Variants in REEP1 observed in about 807,000 individuals in gnomAD.
REEP1 encodes the protein receptor expression-enhancing protein 1.
A neutral mutation model predicts 40.3 loss-of-function variants in REEP1; 22 were observed. The observed-to-expected ratio is 0.55, with a 90% CI of 0.39 to 0.78. The LOEUF (loss-of-function observed/expected upper bound fraction) is 0.78, where lower values mean the gene tolerates loss of function less well. Among genes scored for constraint, REEP1 ranks in the 30% least tolerant of loss-of-function variants. The probability of loss-of-function intolerance (pLI) is 0.00; values close to 1 mark genes in which losing one functional copy is unlikely to be tolerated. For synonymous variants in REEP1, 116 were observed against 139.2 expected (o/e 0.83, Z 1.17); for missense variants, 280 against 361.1 (o/e 0.78, Z 1.82).
At chr2:86,289,831 T>C (rs1678599686) in intron 1 of REEP1, among the ~76,000 whole-genome samples, 1 of 152,036 alleles carries the variant, frequency 6.6e-6, no homozygotes, top group Non-Finnish European at 1.5e-5. Context: ...GATTTTCGAG[T>C]GGTTATTCAT....
At chr2:86,255,902 A>G (rs1676530039) in intron 3 of REEP1, among the ~76,000 whole-genome samples, 1 of 152,134 alleles carries the variant, frequency 6.6e-6, no homozygotes, top group Non-Finnish European at 1.5e-5. Flanking sequence ...TGTGCTGTGA[A>G]CAACCCGAGC....
chr2:86,300,037 A>G (rs1336114034), intron 1 of REEP1, among the ~76,000 whole-genome samples: 1 of 152,114 alleles, frequency 6.6e-6, no homozygotes, highest in Non-Finnish European at 1.5e-5. Flanking sequence ...GGACCATGAG[A>G]GCCATCTTGT....
chr2:86,249,531 T>C (rs911566843), intron 5 of REEP1, among the ~76,000 whole-genome samples: 4 of 152,118 alleles, frequency 2.6e-5, no homozygotes, highest in African/African-American at 9.7e-5. Flanking sequence ...GAGCTGGCTG[T>C]TTAAAAATCA....
chr2:86,330,400 C>A (rs935310704), intron 1 of REEP1, among the ~76,000 whole-genome samples: 1 of 146,242 alleles, frequency 6.8e-6, no homozygotes, highest in South Asian at 2.2e-4. Context: ...ACTCTCCCTA[C>A]CACAGTGAAT....
At chr2:86,284,813 G>A (rs917646384) in intron 1 of REEP1, among the ~76,000 whole-genome samples, 4 of 152,222 alleles carry the variant, frequency 2.6e-5, no homozygotes, top group African/African-American at 9.7e-5. Context: ...GAAGGCCTGT[G>A]CTAGGTCAGC....
At chr2:86,337,912 C>T (rs1681130229), upstream of REEP1, 8 of 1,091,658 alleles carry the variant, frequency 7.3e-6, no homozygotes, top group Admixed American at 1.7e-4. The surrounding 1 kb of genome is among the most constrained non-coding windows in gnomAD (Gnocchi z 5.8). Flanking sequence ...CTCAGCGTTC[C>T]AGCGGAGAAA....
intron 2 of REEP1, among the ~76,000 whole-genome samples, chr2:86,266,873 G>C (rs1172982520): frequency 6.6e-6 from 1 of 151,778 alleles, no homozygotes; most frequent in Non-Finnish European, 1.5e-5. Context: ...CGGGCATGGT[G>C]GTGGGCACCT....
intron 6 of REEP1, among the ~76,000 whole-genome samples, chr2:86,230,131 C>T (rs936584805): frequency 1.8e-4 from 28 of 152,222 alleles, no homozygotes; most frequent in African/African-American, 6.0e-4. Flanking sequence ...CCCACTGCCT[C>T]CCTGGGGCAT....
intron 1 of REEP1, among the ~76,000 whole-genome samples, chr2:86,300,933 C>T (rs959789507): frequency 2.0e-5 from 3 of 152,170 alleles, no homozygotes; most frequent in Non-Finnish European, 4.4e-5. Context: ...GTACAAAGCC[C>T]TTCACGCCTC....
At chr2:86,298,086 G>T (rs1679070224) in intron 1 of REEP1, among the ~76,000 whole-genome samples, 1 of 152,210 alleles carries the variant, frequency 6.6e-6, no homozygotes, top group Non-Finnish European at 1.5e-5. Flanking sequence ...ACATTTTAGT[G>T]TAGAGTAGTT....
At chr2:86,251,454 G>C (rs565727669) in intron 5 of REEP1, 1 of 194,656 alleles carries the variant, frequency 5.1e-6, no homozygotes, top group South Asian at 1.0e-4. Context: ...TCTAGGACCT[G>C]GGTTCCTTCC....
At chr2:86,289,126 A>G (rs549114761) in intron 1 of REEP1, among the ~76,000 whole-genome samples, 30 of 152,204 alleles carry the variant, frequency 2.0e-4, no homozygotes, top group South Asian at 6.2e-4. Flanking sequence ...GATTTTTTCT[A>G]TCTTGTTGAG....
At chr2:86,335,145 G>C (rs924824823) in intron 1 of REEP1, among the ~76,000 whole-genome samples, 1 of 152,068 alleles carries the variant, frequency 6.6e-6, no homozygotes, top group Non-Finnish European at 1.5e-5. Flanking sequence ...AAAATTTCTT[G>C]AAGAATATGC....
intron 1 of REEP1, among the ~76,000 whole-genome samples, chr2:86,325,020 AAT>A (rs1680438734): frequency 6.6e-6 from 1 of 152,184 alleles, no homozygotes; most frequent in Non-Finnish European, 1.5e-5. Context: ...TTTCTTTATA[AAT>A]AGTCTTTTCT....
chr2:86,217,572 C>G (rs1674184814), intron 8 of REEP1, among the ~76,000 whole-genome samples: 1 of 152,006 alleles, frequency 6.6e-6, no homozygotes, highest in Admixed American at 6.6e-5. Context: ...TAATGTACAG[C>G]ACACCACACC....
chr2:86,297,743 C>A, intron 1 of REEP1: 1 of 985,056 alleles, frequency 1.0e-6, no homozygotes, highest in African/African-American at 1.7e-5. Flanking sequence ...AAGCAACCTA[C>A]CTCCTCATTC....
intron 1 of REEP1, among the ~76,000 whole-genome samples, chr2:86,322,399 T>C (rs1296366632): frequency 6.6e-6 from 1 of 152,030 alleles, no homozygotes; most frequent in Non-Finnish European, 1.5e-5. Context: ...GATTGTTTTT[T>C]TGACAGAGTC....
At chr2:86,253,572 TGGC>T (rs1437443928) in intron 4 of REEP1, among the ~76,000 whole-genome samples, 1 of 152,180 alleles carries the variant, frequency 6.6e-6, no homozygotes, top group Non-Finnish European at 1.5e-5. Flanking sequence ...GAAGTTACAT[TGGC>T]AGCTTCAGGG....
intron 4 of REEP1, 93 bp downstream of exon 4, chr2:86,254,601 T>C (rs1676447465): frequency 7.1e-7 from 1 of 1,401,240 alleles, no homozygotes. Context: ...GAGAGCCAAA[T>C]GAGAAGTCTC....
Sources: allele counts gnomAD v4.1 joint callset (sites outside exome capture counted in the v4.1 genomes callset), GRCh38; gene constraint gnomAD v4.1.1; non-coding constraint Gnocchi (gnomAD v3.1); transcripts MANE v1.5; gene names NCBI Gene and HGNC (gene_info 2026-07-23, HGNC 2026-07-21).